Variants in PCDH15 observed in about 807,000 individuals in gnomAD.
PCDH15 encodes the protein protocadherin related 15, also known as protocadherin-15.
PCDH15 carries 129 observed loss-of-function variants against 178.5 expected under a neutral mutation model. That is an observed-to-expected ratio of 0.72 (90% CI 0.63 to 0.84). The LOEUF (loss-of-function observed/expected upper bound fraction) is 0.84, where lower values mean the gene tolerates loss of function less well. Among genes scored for constraint, PCDH15 ranks in the 40% least tolerant of loss-of-function variants. The pLI is 0.00. For synonymous variants in PCDH15, 800 were observed against 732.0 expected, an observed-to-expected ratio of 1.09 and a Z score of -1.50; for missense variants, 2,230 against 2,099.9, an observed-to-expected ratio of 1.06 and a Z score of -1.21.
chr10:53,822,445 C>CAGG lies in PCDH15; in HGVS notation c.4368-2218_4368-2216dup, dbSNP rs754779351. Reference sequence around the variant, plus strand: ...GGAGGAGGAGCAAGAGGAGCAGGAGCAGGAGGAGGAGAAGGAGGAGAAATA... The same window carrying CAGG: ...GGAGGAGGAGCAAGAGGAGCAGGAGCAGGAGGAGGAGGAGAAGGAGGAGAAATA... On this transcript the variant is annotated intron_variant, in intron 32 of 37. Coordinates refer to ENST00000644397, the MANE Select transcript of PCDH15 (RefSeq NM_001384140.1). The CAGG allele has an allele frequency of 1.3e-6, 2 of 1,591,382 alleles. No homozygotes were observed. The highest frequency in any genetic ancestry group is 1.7e-6 in the Non-Finnish European group (2 of 1,169,546).
rs980586663 is a variant in PCDH15 at position 54,051,052 on chromosome 10, A to G, written c.2220+15705T>C. 2.0e-5 allele frequency among the ~76,000 whole-genome samples: 3 copies of G among 152,154 alleles called. 1 individual carries two copies. On this transcript the variant is annotated intron_variant, in intron 18 of 37. Coordinates refer to ENST00000644397, the MANE Select transcript of PCDH15 (RefSeq NM_001384140.1). Reference sequence around the variant, plus strand: ...GTGCTTCCCCTTCCACCATGATCGTAAGTTTCCTGAGGCTTCCCCAGACAT... The same window carrying G: ...GTGCTTCCCCTTCCACCATGATCGTGAGTTTCCTGAGGCTTCCCCAGACAT...
chr10:55,172,955 G>T lies in PCDH15; in HGVS notation c.-155-6304C>A, dbSNP rs7095862. Reference sequence around the variant, plus strand: ...TTAAATGCAAAGGTCTACAAAAAAGGTTTGTTTTATGCAAATTTAAGCAAG... The same window carrying T: ...TTAAATGCAAAGGTCTACAAAAAAGTTTTGTTTTATGCAAATTTAAGCAAG... On this transcript the variant is annotated intron_variant, in intron 1 of 5. Coordinates refer to the PCDH15 transcript ENST00000458638. Among the ~76,000 whole-genome samples, 818 of 151,958 alleles carry T rather than the reference G, an allele frequency of 5.4e-3. 11 individuals are homozygous for T. The highest frequency in any genetic ancestry group is 0.018 in the African/African-American group (738 of 41,496).
At chr10:54,747,199 A>G (rs1274203276) in intron 1 of PCDH15, among the ~76,000 whole-genome samples, 2 of 152,216 alleles carry the variant, frequency 1.3e-5, no homozygotes, top group Non-Finnish European at 2.9e-5. Context: ...ACTACACACC[A>G]TGCTTATCAG....
intron 2 of PCDH15, among the ~76,000 whole-genome samples, chr10:55,160,227 A>G (rs1387700506): frequency 6.6e-6 from 1 of 151,996 alleles, no homozygotes; most frequent in Non-Finnish European, 1.5e-5. Context: ...CTTGCTTTAA[A>G]TTTGAGCACA....
chr10:55,495,113 T>C (rs10825528), intron 2 of PCDH15, among the ~76,000 whole-genome samples: 62,743 of 151,490 alleles, frequency 0.41, 13,662 homozygotes, highest in East Asian at 0.81. Flanking sequence ...AAATGGATTA[T>C]ATACCTAAAT....
At chr10:53,989,696 A>T (rs2091337230) in intron 21 of PCDH15, among the ~76,000 whole-genome samples, 1 of 152,142 alleles carries the variant, frequency 6.6e-6, no homozygotes, top group South Asian at 2.1e-4. Context: ...AACAACACTG[A>T]GCTGTGTATA....
At chr10:54,705,471 G>C (rs1205526449) in intron 1 of PCDH15, among the ~76,000 whole-genome samples, 3 of 152,086 alleles carry the variant, frequency 2.0e-5, no homozygotes, top group Non-Finnish European at 4.4e-5. Flanking sequence ...ATTTTGTGCA[G>C]TTTATCTCAT....
intron 3 of PCDH15, among the ~76,000 whole-genome samples, chr10:54,853,358 C>T (rs200880697): frequency 3.5e-5 from 4 of 115,324 alleles, no homozygotes; most frequent in African/African-American, 7.3e-5. Flanking sequence ...TATATATATA[C>T]ACACACACAT....
intron 13 of PCDH15, among the ~76,000 whole-genome samples, chr10:54,180,637 A>G (rs2047900419): frequency 6.6e-6 from 1 of 152,194 alleles, no homozygotes; most frequent in Non-Finnish European, 1.5e-5. Context: ...CTTAAAGGGT[A>G]TATGTAGATC....
chr10:54,494,244 T>C (rs886817803), intron 3 of PCDH15, among the ~76,000 whole-genome samples: 2 of 150,914 alleles, frequency 1.3e-5, no homozygotes, highest in African/African-American at 4.9e-5. Flanking sequence ...AAAATAATAA[T>C]AATAAAAAGA....
chr10:54,480,495 G>A (rs200379680), intron 3 of PCDH15, among the ~76,000 whole-genome samples: 2 of 152,126 alleles, frequency 1.3e-5, no homozygotes, highest in East Asian at 1.9e-4. Flanking sequence ...CTGAAAAAAA[G>A]TGTTATTTGC....
At chr10:54,518,123 T>C (rs866344497) in intron 3 of PCDH15, among the ~76,000 whole-genome samples, 6 of 151,974 alleles carry the variant, frequency 3.9e-5, no homozygotes, top group African/African-American at 1.2e-4. Flanking sequence ...AGATCCAAAA[T>C]TGACACCCTA....
intron 9 of PCDH15, among the ~76,000 whole-genome samples, chr10:54,234,130 TTCTGTG>T (rs1367507401): frequency 0.01 from 1,054 of 103,186 alleles, 12 homozygotes; most frequent in African/African-American, 0.032. Flanking sequence ...GGATATCCCC[TTCTGTG>T]TGTGTGTGTG....
Position 54,228,763 on chromosome 10 carries a change from C to T in PCDH15, c.985+8060G>A, listed in dbSNP as rs140100189. Among the ~76,000 whole-genome samples the T allele has an allele frequency of 6.1e-3, 929 of 152,222 alleles. 4 individuals carry two copies. Among genetic ancestry groups the T allele is most frequent in the Non-Finnish European group, 9.3e-3 (635 of 68,012 alleles). The stretch of plus-strand genomic sequence containing the variant: ...CCCTCAATGGACTGGATGATACCTG[C>T]CCATATTGGTAAGAGCAGATCTTCT... On this transcript the variant is annotated intron_variant, in intron 9 of 37. Transcript: ENST00000644397.
At chr10:54,349,666 T>C (rs948805835) in intron 5 of PCDH15, among the ~76,000 whole-genome samples, 12 of 151,498 alleles carry the variant, frequency 7.9e-5, no homozygotes, top group African/African-American at 2.9e-4. Flanking sequence ...AAATAAACTC[T>C]ACATTGTTAT....
chr10:54,123,540 CA>C (rs1293850490), intron 15 of PCDH15, among the ~76,000 whole-genome samples: 9 of 151,918 alleles, frequency 5.9e-5, no homozygotes, highest in African/African-American at 1.9e-4. Flanking sequence ...TGGGAGGCTG[CA>C]GAGAAAATAG....
At chr10:55,002,331 G>A (rs1839813202) in intron 2 of PCDH15, among the ~76,000 whole-genome samples, 1 of 152,132 alleles carries the variant, frequency 6.6e-6, no homozygotes. Context: ...CTTTCATACT[G>A]AATTTCCAAA....
intron 2 of PCDH15, among the ~76,000 whole-genome samples, chr10:55,526,841 A>C (rs1481383607): frequency 6.6e-6 from 1 of 152,078 alleles, no homozygotes; most frequent in African/African-American, 2.4e-5. Flanking sequence ...TTAGGTCACA[A>C]AAGCCATATC....
chr10:55,582,151 C>G (rs1266287719), intron 2 of PCDH15, among the ~76,000 whole-genome samples: 1 of 152,196 alleles, frequency 6.6e-6, no homozygotes, highest in East Asian at 1.9e-4. Context: ...CCCACAGGTG[C>G]AAGAATGGCT....
Sources: gnomAD v4.1 joint callset for allele counts (sites outside exome capture counted in the v4.1 genomes callset) on GRCh38, gnomAD v4.1.1 for gene constraint, MANE v1.5 for transcripts, NCBI Gene and HGNC (gene_info 2026-07-23, HGNC 2026-07-21) for gene names.